Variants in ANKS1B observed in about 807,000 individuals in gnomAD.
The protein encoded by ANKS1B is ankyrin repeat and sterile alpha motif domain containing 1B.
ANKS1B carries 36 observed loss-of-function variants against 148.3 expected under a neutral mutation model. The ratio of observed to expected loss-of-function variants is 0.24; its 90% confidence interval spans 0.19 to 0.32. The LOEUF is 0.32. ANKS1B is among the 10% of genes least tolerant of loss of function. The pLI, the probability that ANKS1B is intolerant of heterozygous loss-of-function variation, is 1.00. For missense variants in ANKS1B, 1,157 were observed against 1,542.6 expected (o/e 0.75, Z 4.19); for synonymous variants, 542 against 560.8 (o/e 0.97, Z 0.47).
intron 12 of ANKS1B, among the ~76,000 whole-genome samples, chr12:99,394,753 C>G (rs2094190054): frequency 6.6e-6 from 1 of 152,144 alleles, no homozygotes; most frequent in African/African-American, 2.4e-5. Context: ...CTTCCTCAAG[C>G]TCAGTTATTG....
chr12:99,970,368 A>T (rs1401093384), intron 1 of ANKS1B, among the ~76,000 whole-genome samples: 1 of 152,188 alleles, frequency 6.6e-6, no homozygotes, highest in African/African-American at 2.4e-5. Flanking sequence ...TTAAGTGAAA[A>T]ATTCAGGATC....
intron 1 of ANKS1B, among the ~76,000 whole-genome samples, chr12:99,846,267 T>C (rs2086654217): frequency 6.6e-6 from 1 of 152,114 alleles, no homozygotes; most frequent in East Asian, 1.9e-4. Flanking sequence ...TCCTTTCCTA[T>C]TCTTTTCCCT....
At chr12:99,020,712 C>G (rs2099945289) in intron 17 of ANKS1B, among the ~76,000 whole-genome samples, 1 of 152,038 alleles carries the variant, frequency 6.6e-6, no homozygotes, top group South Asian at 2.1e-4. Flanking sequence ...AACATATATA[C>G]ACTGTCTTTG....
At chr12:98,893,876 A>G (rs573025945) in intron 17 of ANKS1B, among the ~76,000 whole-genome samples, 1 of 152,346 alleles carries the variant, frequency 6.6e-6, no homozygotes, top group South Asian at 2.1e-4. Context: ...TGGAGGAAAA[A>G]TAAACAAATA....
intron 9 of ANKS1B, among the ~76,000 whole-genome samples, chr12:99,547,226 C>T (rs1027035229): frequency 6.6e-6 from 1 of 152,100 alleles, no homozygotes; most frequent in African/African-American, 2.4e-5. Flanking sequence ...AATCACACAA[C>T]TTTGTACAAT....
intron 20 of ANKS1B, among the ~76,000 whole-genome samples, chr12:98,802,377 G>A (rs2099010885): frequency 6.6e-6 from 1 of 152,070 alleles, no homozygotes; most frequent in Admixed American, 6.5e-5. Flanking sequence ...GGAGAGAAAG[G>A]AAGTTCTCTG....
intron 14 of ANKS1B, among the ~76,000 whole-genome samples, chr12:99,237,808 G>T (rs1171598919): frequency 6.6e-6 from 1 of 152,094 alleles, no homozygotes; most frequent in African/African-American, 2.4e-5. Context: ...TTGAAGACAG[G>T]GTCTCACTAT....
At chr12:99,095,149 T>A (rs1459684565) in intron 15 of ANKS1B, among the ~76,000 whole-genome samples, 4 of 152,236 alleles carry the variant, frequency 2.6e-5, no homozygotes, top group Admixed American at 2.6e-4. Context: ...CAACTATGAA[T>A]AAAGATTTAG....
At chr12:99,235,645 A>T (rs146181420) in intron 14 of ANKS1B, among the ~76,000 whole-genome samples, 1 of 152,190 alleles carries the variant, frequency 6.6e-6, no homozygotes, top group South Asian at 2.1e-4. Flanking sequence ...TACATAGTCT[A>T]TCTTGGAGCT....
intron 12 of ANKS1B, among the ~76,000 whole-genome samples, chr12:99,391,892 A>G (rs974654601): frequency 9.2e-5 from 14 of 152,244 alleles, no homozygotes; most frequent in Admixed American, 2.6e-4. Context: ...AAGAAGTGAC[A>G]AGAATATAAT....
intron 22 of ANKS1B, among the ~76,000 whole-genome samples, chr12:98,786,817 T>C (rs1430243539): frequency 1.3e-5 from 2 of 152,182 alleles, no homozygotes; most frequent in African/African-American, 2.4e-5. Context: ...GTGAGGCTAA[T>C]GTGGGGAGGA....
intron 9 of ANKS1B, among the ~76,000 whole-genome samples, chr12:99,577,143 T>C (rs1156603528): frequency 2.0e-5 from 3 of 151,856 alleles, no homozygotes; most frequent in Admixed American, 6.6e-5. Flanking sequence ...AATACTGATA[T>C]TGTTTTGATA....
chr12:99,778,597 G>C (rs190449141), intron 6 of ANKS1B, among the ~76,000 whole-genome samples: 57 of 151,334 alleles, frequency 3.8e-4, no homozygotes, highest in Admixed American at 1.1e-3. Context: ...ATAAAAAATA[G>C]TATGTGCCAC....
At chr12:99,624,344 A>G (rs11109952) in intron 9 of ANKS1B, among the ~76,000 whole-genome samples, 85,370 of 151,922 alleles carry the variant, frequency 0.56, 24,733 homozygotes, top group Admixed American at 0.65. Context: ...ATCAGCCTTG[A>G]CAAAGAGTTT....
chr12:98,859,437 G>A (rs1430113934), intron 17 of ANKS1B, among the ~76,000 whole-genome samples: 2 of 152,162 alleles, frequency 1.3e-5, no homozygotes, highest in East Asian at 1.9e-4. Context: ...AATTCAGTGC[G>A]GGGAGATTAA....
At chr12:99,142,632 G>C (rs965068373) in intron 15 of ANKS1B, among the ~76,000 whole-genome samples, 4 of 152,072 alleles carry the variant, frequency 2.6e-5, no homozygotes, top group African/African-American at 9.7e-5. Context: ...ACATGTGTAA[G>C]AGTTTAAAAA....
chr12:99,268,509 C>A (rs1328077120), intron 12 of ANKS1B, among the ~76,000 whole-genome samples: 1 of 152,094 alleles, frequency 6.6e-6, no homozygotes, highest in Non-Finnish European at 1.5e-5. Flanking sequence ...TCACCTTGGC[C>A]TCTTCTATGA....
At chr12:98,863,113 A>T (rs1177920126) in intron 17 of ANKS1B, among the ~76,000 whole-genome samples, 1 of 152,226 alleles carries the variant, frequency 6.6e-6, no homozygotes, top group East Asian at 1.9e-4. Context: ...TCACAAAGAC[A>T]TGCTTTACAG....
chr12:98,860,560 T>A (rs183359382), intron 17 of ANKS1B, among the ~76,000 whole-genome samples: 2 of 152,130 alleles, frequency 1.3e-5, no homozygotes. Context: ...AGCCACACCA[T>A]TAATGGTGGA....
Sources: gnomAD v4.1 joint callset for allele counts (sites outside exome capture counted in the v4.1 genomes callset) on GRCh38, gnomAD v4.1.1 for gene constraint, MANE v1.5 for transcripts, NCBI Gene and HGNC (gene_info 2026-07-23, HGNC 2026-07-21) for gene names.